Variants in DACH2 observed in about 807,000 individuals in gnomAD.
DACH2 encodes the protein dachshund homolog 2.
Under a neutral mutation model 35.8 loss-of-function variants are expected in DACH2, and 17 were observed. The observed-to-expected ratio is 0.48, with a 90% CI of 0.33 to 0.71. DACH2 has a LOEUF of 0.71. Ranked by LOEUF, DACH2 falls within the 30% of genes least tolerant of loss-of-function variation. DACH2 has a pLI of 0.02. For synonymous variants in DACH2, 195 were observed against 177.3 expected (o/e 1.10, Z -0.79); for missense variants, 469 against 472.7 (o/e 0.99, Z 0.07).
chrX:86,723,116 T>G, intron 6 of DACH2, among the ~76,000 whole-genome samples: 1 of 112,099 alleles, frequency 8.9e-6, no homozygotes, highest in Non-Finnish European at 1.9e-5. Context: ...AAGCTTTTAC[T>G]TCTTCATAGT....
At chrX:86,504,672 G>T (rs991826617) in intron 2 of DACH2, among the ~76,000 whole-genome samples, 4 of 110,791 alleles carry the variant, frequency 3.6e-5, no homozygotes, top group African/African-American at 1.3e-4. Flanking sequence ...CATGTCCACT[G>T]CCATGGCAAC....
intron 1 of DACH2, among the ~76,000 whole-genome samples, chrX:86,230,806 T>C (rs1273745576): frequency 8.9e-6 from 1 of 111,865 alleles, no homozygotes; most frequent in Non-Finnish European, 1.9e-5. Context: ...TGATCTTTTG[T>C]ATTTCAGTGT....
intron 2 of DACH2, among the ~76,000 whole-genome samples, chrX:86,397,422 A>G (rs1295419802): frequency 9.0e-6 from 1 of 111,437 alleles, no homozygotes; most frequent in African/African-American, 3.3e-5. Context: ...AACTTCCAAC[A>G]CTATGGTGAA....
intron 1 of DACH2, among the ~76,000 whole-genome samples, chrX:86,306,666 A>C (rs1309932690): frequency 8.9e-6 from 1 of 111,782 alleles, no homozygotes; most frequent in Non-Finnish European, 1.9e-5. Flanking sequence ...CTTCTTTCAA[A>C]CATTGGACTC....
chrX:86,481,386 T>C (rs2037932992), intron 2 of DACH2: 1 of 111,815 alleles, frequency 8.9e-6, no homozygotes, highest in Admixed American at 9.5e-5. Context: ...TTGTGAGTCA[T>C]TTGCTGAATA....
intron 1 of DACH2, chrX:86,304,361 G>A (rs1469112266): frequency 8.9e-6 from 1 of 112,053 alleles, no homozygotes; most frequent in African/African-American, 3.2e-5. Context: ...TTCATAATCA[G>A]TGATGGCAGT....
intron 3 of DACH2, among the ~76,000 whole-genome samples, chrX:86,637,022 A>T (rs898718164): frequency 1.9e-5 from 2 of 104,667 alleles, no homozygotes; most frequent in Non-Finnish European, 3.9e-5. Flanking sequence ...AAAAAAAAAA[A>T]AAAACTGAGT....
intron 2 of DACH2, among the ~76,000 whole-genome samples, chrX:86,456,077 C>A (rs1212046134): frequency 1.8e-5 from 2 of 112,250 alleles, no homozygotes; most frequent in Non-Finnish European, 3.8e-5. Context: ...TTGGCTGGGG[C>A]TGGCAGTTCC....
At chrX:86,179,390 C>T (rs914526335) in intron 1 of DACH2, among the ~76,000 whole-genome samples, 1 of 111,675 alleles carries the variant, frequency 9.0e-6, no homozygotes, top group African/African-American at 3.2e-5. Context: ...AAGCACTAAT[C>T]ATCTAATTAG....
chrX:86,209,241 T>A (rs756350963), intron 1 of DACH2, among the ~76,000 whole-genome samples: 1 of 111,596 alleles, frequency 9.0e-6, no homozygotes, highest in East Asian at 2.9e-4. Flanking sequence ...CAATCAAGAC[T>A]GGCAAAGAGT....
intron 1 of DACH2, among the ~76,000 whole-genome samples, chrX:86,266,708 T>C (rs192422018): frequency 8.9e-6 from 1 of 111,763 alleles, no homozygotes; most frequent in Non-Finnish European, 1.9e-5. Flanking sequence ...TTAACTTCTC[T>C]GGACCTCAGT....
intron 2 of DACH2, chrX:86,481,255 A>G (rs943742453): frequency 6.3e-5 from 7 of 111,942 alleles, no homozygotes; most frequent in African/African-American, 1.9e-4. Context: ...TTGTACACAT[A>G]TATCTTTCTC....
intron 2 of DACH2, among the ~76,000 whole-genome samples, chrX:86,391,674 G>T (rs972781850): frequency 9.9e-5 from 11 of 110,966 alleles, no homozygotes; most frequent in Non-Finnish European, 1.7e-4. Flanking sequence ...CATAAAGTAG[G>T]ATCTCTGGTC....
chrX:86,297,574 G>T (rs1377212697), intron 1 of DACH2, among the ~76,000 whole-genome samples: 1 of 111,879 alleles, frequency 8.9e-6, no homozygotes, highest in Non-Finnish European at 1.9e-5. Flanking sequence ...GATTGTATAA[G>T]GCTGTTAAAT....
chrX:86,787,515 G>A (rs1392447622), intron 7 of DACH2, among the ~76,000 whole-genome samples: 1 of 109,658 alleles, frequency 9.1e-6, no homozygotes, highest in Non-Finnish European at 1.9e-5. Flanking sequence ...TTACTCAGAA[G>A]GCTGAGGCAA....
intron 4 of DACH2, among the ~76,000 whole-genome samples, chrX:86,655,288 C>G (rs1231054933): frequency 2.7e-5 from 3 of 111,950 alleles, no homozygotes; most frequent in Admixed American, 9.5e-5. Context: ...TAGATCTAAT[C>G]AGGCAAAAGA....
chrX:86,475,776 C>T (rs147291443), intron 2 of DACH2, among the ~76,000 whole-genome samples: 3 of 111,873 alleles, frequency 2.7e-5, no homozygotes, highest in East Asian at 2.8e-4. Context: ...CTTAGAGGAA[C>T]GGCTTTTACT....
At chrX:86,799,150 TG>T in intron 7 of DACH2, 1 of 312,162 alleles carries the variant, frequency 3.2e-6, no homozygotes, top group Middle Eastern at 6.3e-4. Context: ...TCCAAGACCC[TG>T]GAACTCTTGG....
At chrX:86,491,910 T>G (rs975268199) in intron 2 of DACH2, among the ~76,000 whole-genome samples, 1 of 111,844 alleles carries the variant, frequency 8.9e-6, no homozygotes, top group Admixed American at 9.5e-5. Flanking sequence ...TTGCATTTTC[T>G]TTTCATAAAA....
Sources: allele counts gnomAD v4.1 joint callset (sites outside exome capture counted in the v4.1 genomes callset), GRCh38; gene constraint gnomAD v4.1.1; transcripts MANE v1.5; gene names NCBI Gene and HGNC (gene_info 2026-07-23, HGNC 2026-07-21).